ANKRD33B: variants seen among roughly 807,000 people sequenced by gnomAD.
The protein encoded by ANKRD33B is ankyrin repeat domain-containing protein 33B.
ANKRD33B carries 6 observed loss-of-function variants against 21.5 expected under a neutral mutation model. The ratio of observed to expected loss-of-function variants is 0.28; its 90% CI spans 0.15 to 0.55. The LOEUF is 0.55. Among genes scored for constraint, ANKRD33B ranks in the 20% least tolerant of loss-of-function variants. The pLI, the probability that ANKRD33B is intolerant of heterozygous loss-of-function variation, is 0.94. For missense variants in ANKRD33B, 698 were observed against 747.2 expected (o/e 0.93, Z 0.77); for synonymous variants, 347 against 342.4 (o/e 1.01, Z -0.15).
intron 1 of ANKRD33B, among the ~76,000 whole-genome samples, chr5:10,607,850 CT>C (rs1579731207): frequency 6.6e-6 from 1 of 152,272 alleles, no homozygotes; most frequent in Middle Eastern, 3.4e-3. Flanking sequence ...TTTAAAGCTC[CT>C]TGTTACTGAG....
Position 10,596,881 on chromosome 5 carries a change from G to A in ANKRD33B, c.367-21452G>A, listed in dbSNP as rs976512198. Among the ~76,000 whole-genome samples the A allele has an allele frequency of 2.0e-5, 3 of 152,206 alleles. No homozygotes were observed. The East Asian group carries it at 5.8e-4, about 29-fold the overall frequency. On this transcript the variant is annotated intron_variant, in intron 1 of 3. Coordinates refer to ENST00000296657, the MANE Select transcript of ANKRD33B (RefSeq NM_001164440.2). ...AAACCCCACAAGCCAGAAGAGATTG[G>A]GGGACAATATTCAACATTCTTAAAG...
chr5:10,649,603 G>T lies in ANKRD33B; in HGVS notation c.975G>T (p.Gln325His), dbSNP rs1737280593. The change falls in exon 4 of 4, where the codon CAG becomes CAT. Residue 325 changes from glutamine to histidine, a missense_variant. This residue lies in a region of ANKRD33B where 543 missense variants were observed against 566.5 expected (regional missense o/e 0.96). Transcript: ENST00000296657. ...GCCCCGCCGTGGCCATCGTGTGCCA[G>T]ACCGTGTGCCCTGAGAGCCCTCCGA... ...LYSPAVAIVCQTVCPESPPSV... is the reference protein window; with the variant it reads ...LYSPAVAIVCHTVCPESPPSV... 1 of 1,530,556 alleles carries T rather than the reference G, an allele frequency of 6.5e-7. No individual in the cohort carries two copies. Among genetic ancestry groups the T allele is most frequent in the East Asian group, 2.5e-5 (1 of 40,796 alleles). 94.8% of individuals were successfully genotyped at this position (1,530,556 alleles called of 1,614,324 possible). A position where few individuals can be genotyped will look rare whatever the true frequency, so the allele number is the denominator to read the frequency against.
chr5:10,641,518 C>T (rs928024582), intron 3 of ANKRD33B, among the ~76,000 whole-genome samples: 6 of 152,050 alleles, frequency 3.9e-5, no homozygotes, highest in African/African-American at 1.4e-4. Context: ...TGTGAGCCAC[C>T]GCGCCCTGCC....
rs1439408364 is a variant in ANKRD33B, at chr5:10,629,540, AT to A, written c.497-8486del. ...AGGAAAGATGTTTTGGGTTTGATGC[AT>A]TGAGTTTGTAGGATACCCATGATGA... On this transcript the variant is annotated intron_variant, in intron 2 of 3. Transcript: ENST00000296657. 4.1e-3 allele frequency among the ~76,000 whole-genome samples: 624 copies of A among 152,294 alleles called. 4 individuals carry two copies. The highest frequency in any genetic ancestry group is 0.014 in the African/African-American group (595 of 41,560).
chr5:10,599,769 C>T (rs1735893621), intron 1 of ANKRD33B, among the ~76,000 whole-genome samples: 1 of 152,164 alleles, frequency 6.6e-6, no homozygotes, highest in Non-Finnish European at 1.5e-5. Flanking sequence ...GTTTTCACTA[C>T]TGTGAATAAT....
At chr5:10,571,931 C>G (rs1435244473) in intron 1 of ANKRD33B, among the ~76,000 whole-genome samples, 2 of 151,492 alleles carry the variant, frequency 1.3e-5, no homozygotes, top group East Asian at 3.9e-4. Context: ...TCTTATTGCC[C>G]AGGCCGGAGT....
intron 1 of ANKRD33B, among the ~76,000 whole-genome samples, chr5:10,592,681 G>A (rs1350788560): frequency 6.6e-6 from 1 of 151,790 alleles, no homozygotes; most frequent in Non-Finnish European, 1.5e-5. Flanking sequence ...AGATGAGCTT[G>A]CAGTGAGAGA....
At chr5:10,592,183 C>G (rs1410295980) in intron 1 of ANKRD33B, among the ~76,000 whole-genome samples, 1 of 152,014 alleles carries the variant, frequency 6.6e-6, no homozygotes, top group Admixed American at 6.5e-5. Context: ...ACATGTTCCC[C>G]TTTAAAGACA....
intron 1 of ANKRD33B, among the ~76,000 whole-genome samples, chr5:10,603,933 TGCCCAGGCTGGA>T (rs1560970762): frequency 1.3e-5 from 2 of 151,526 alleles, no homozygotes; most frequent in Non-Finnish European, 2.9e-5. Context: ...TCACTCTTTT[TGCCCAGGCTGGA>T]GTGCAATGGT....
chr5:10,657,041 A>G lies in ANKRD33B; in HGVS notation c.*6928A>G, dbSNP rs1169526378. ...ATGGTCCGTGTTGGCCTGATGCTTT[A>G]AGAAGTTTGAGGAGGTAGGTATGGA... On this transcript the variant is annotated 3_prime_UTR_variant, in exon 4 of 4. Transcript: ENST00000296657. The G allele has an allele frequency of 6.6e-6, 1 of 152,210 alleles. No homozygotes were observed. Among genetic ancestry groups the G allele is most frequent in the Non-Finnish European group, 1.5e-5 (1 of 68,014 alleles). 9.4% of individuals were successfully genotyped at this position (152,210 alleles called of 1,614,324 possible). A position where few individuals can be genotyped will look rare whatever the true frequency, so the allele number is the denominator to read the frequency against.
chr5:10,593,230 ACT>A (rs1229326156), intron 1 of ANKRD33B, among the ~76,000 whole-genome samples: 6 of 152,014 alleles, frequency 3.9e-5, no homozygotes, highest in Admixed American at 6.6e-5. Context: ...GCATAATAGG[ACT>A]CTCTTTTTTT....
At chr5:10,594,227 T>C (rs917506022) in intron 1 of ANKRD33B, among the ~76,000 whole-genome samples, 2 of 145,964 alleles carry the variant, frequency 1.4e-5, no homozygotes, top group African/African-American at 5.1e-5. Context: ...CCTTCTTTTT[T>C]TTTTTTTTTT....
rs1225851304 is a variant in ANKRD33B, at chr5:10,649,325, TAC to T, written c.700_701del (p.Thr234GlyfsTer34). On this transcript the variant is annotated frameshift_variant, in exon 4 of 4. Transcript: ENST00000296657. LOFTEE classifies it low-confidence loss of function (END_TRUNC). ...GATGTCGCCGCAGGAGTGGGCCACT[TAC>T]ACGGGCCGCGTGGATGCCGTCCGTC... ...RGMSPQEWAT[Y>X]TGRVDAVRLM... 6.5e-7 allele frequency: 1 copy of T among 1,534,372 alleles called. No individual in the cohort carries two copies. The highest frequency in any genetic ancestry group is 8.7e-7 in the Non-Finnish European group (1 of 1,146,314).
intron 2 of ANKRD33B, among the ~76,000 whole-genome samples, chr5:10,633,525 G>A (rs1451482256): frequency 6.6e-6 from 1 of 152,250 alleles, no homozygotes; most frequent in African/African-American, 2.4e-5. Context: ...AAGATCTGAC[G>A]TCCGTGACGC....
At chr5:10,589,097 C>A (rs1185805567) in intron 1 of ANKRD33B, among the ~76,000 whole-genome samples, 1 of 152,122 alleles carries the variant, frequency 6.6e-6, no homozygotes, top group East Asian at 1.9e-4. Context: ...GCCTCGGGAA[C>A]CTGATAAGGT....
At position 10,650,943 on chromosome 5, in the gene ANKRD33B, G is replaced by A. The variant is rs1737343567; in HGVS notation, c.*830G>A. The A allele has an allele frequency of 6.6e-6, 1 of 152,036 alleles. No individual in the cohort carries two copies. The highest frequency in any genetic ancestry group is 1.5e-5 in the Non-Finnish European group (1 of 68,016). 9.4% of individuals were successfully genotyped at this position (152,036 alleles called of 1,614,324 possible). ...TAAAAATAGATATGAGAAAAAAACT[G>A]TCATTCGATAAAATGAGGCAAATTT... On this transcript the variant is annotated 3_prime_UTR_variant, in exon 4 of 4. Transcript: ENST00000296657.
chr5:10,651,135 T>C lies in ANKRD33B; in HGVS notation c.*1022T>C, dbSNP rs937686659. ...GTGATTTTTAGAAGAGGTGAGAGAA[T>C]GGAATGGGGAACAGACTTGTTTTCG... On this transcript the variant is annotated 3_prime_UTR_variant, in exon 4 of 4. Transcript: ENST00000296657. 3 of 152,244 alleles carry C rather than the reference T, an allele frequency of 2.0e-5. No homozygotes were observed. In the East Asian group the frequency reaches 5.6e-4, roughly 29 times the overall value. 9.4% of individuals were successfully genotyped at this position (152,244 alleles called of 1,614,324 possible).
chr5:10,588,731 C>T (rs1414583029), intron 1 of ANKRD33B, among the ~76,000 whole-genome samples: 1 of 152,188 alleles, frequency 6.6e-6, no homozygotes, highest in African/African-American at 2.4e-5. Flanking sequence ...CTCCATCAGC[C>T]TGAGTCTTGC....
chr5:10,616,523 C>T (rs1263863389), intron 1 of ANKRD33B, among the ~76,000 whole-genome samples: 1 of 143,368 alleles, frequency 7.0e-6, no homozygotes, highest in Non-Finnish European at 1.5e-5. Context: ...GAAATCGCAC[C>T]ATTGCACTCT....
Sources: allele counts gnomAD v4.1 joint callset (sites outside exome capture counted in the v4.1 genomes callset), GRCh38; gene constraint gnomAD v4.1.1; regional missense constraint gnomAD v4.1.1; transcripts MANE v1.5; gene names NCBI Gene and HGNC (gene_info 2026-07-23, HGNC 2026-07-21).